The following GOLGB1 variants were observed in gnomAD, a reference collection of about 807,000 sequenced individuals.
GOLGB1 encodes the protein golgin B1.
In GOLGB1, 174 loss-of-function variants were observed where a neutral mutation model predicts 336.9. That is an observed-to-expected ratio of 0.52 (90% confidence interval 0.46 to 0.59). The LOEUF is 0.59. Among genes scored for constraint, GOLGB1 ranks in the 20% least tolerant of loss-of-function variants. The probability of loss-of-function intolerance (pLI) is 0.00; values close to 1 mark genes in which losing one functional copy is unlikely to be tolerated. For missense variants in GOLGB1, 3,331 were observed against 3,645.3 expected, an observed-to-expected ratio of 0.91 and a Z score of 2.22; for synonymous variants, 1,208 against 1,289.2, an observed-to-expected ratio of 0.94 and a Z score of 1.35.
intron 13 of GOLGB1, among the ~76,000 whole-genome samples, chr3:121,692,981 A>G (rs1942590231): frequency 6.6e-6 from 1 of 152,214 alleles, no homozygotes; most frequent in Non-Finnish European, 1.5e-5. Context: ...GAAGGGTCCT[A>G]TTGGAAGTAA....
At position 121,694,615 on chromosome 3, in the gene GOLGB1, C is replaced by A; in HGVS notation, c.5908G>T (p.Val1970Leu). ...TGCTTTTCTTCTTCCAATTCACTCACACACTTTTTAAGGTTCTTCATTTCA... is the reference window on the plus strand; with the variant it reads ...TGCTTTTCTTCTTCCAATTCACTCAAACACTTTTTAAGGTTCTTCATTTCA... Reference protein sequence around the residue: ...ESEMKNLKKCVSELEEEKQQL... With the variant: ...ESEMKNLKKCLSELEEEKQQL... The change falls in exon 13 of 22, where the codon GTG becomes TTG. Residue 1970 changes from valine to leucine, a missense_variant. Transcript: ENST00000614479. 1 of 1,612,204 alleles carries A rather than the reference C, an allele frequency of 6.2e-7. No individual in the cohort carries two copies. Among genetic ancestry groups the A allele is most frequent in the Non-Finnish European group, 8.5e-7 (1 of 1,179,992 alleles).
Position 121,691,131 on chromosome 3 carries a change from T to A in GOLGB1, c.8233A>T (p.Met2745Leu). Residue 2745 changes from methionine to leucine, a missense_variant, in exon 14 of 22, where the codon ATG becomes TTG. Physicochemically the swap from Met to Leu is conservative, Grantham distance 15 (BLOSUM62 2). Transcript: ENST00000614479. ...TCTCTACTATTTTGCAAGGAACTCA[T>A]AGACCTTCCAAAAGACTGAATTTGT... Reference protein sequence around the residue: ...TAQIQSFGRSMSSLQNSRDHA... With the variant: ...TAQIQSFGRSLSSLQNSRDHA... 1 of 1,613,920 alleles carries A rather than the reference T, an allele frequency of 6.2e-7. No individual in the cohort carries two copies. Among genetic ancestry groups the A allele is most frequent in the Non-Finnish European group, 8.5e-7 (1 of 1,179,886 alleles).
At chr3:121,749,337 G>T (rs552885700) in intron 1 of GOLGB1, among the ~76,000 whole-genome samples, 28 of 152,180 alleles carry the variant, frequency 1.8e-4, no homozygotes, top group Non-Finnish European at 3.5e-4. Context: ...GCTTTTCCCC[G>T]TCGCTCCCAG....
intron 6 of GOLGB1, among the ~76,000 whole-genome samples, chr3:121,722,001 A>C (rs1427336918): frequency 6.6e-6 from 1 of 152,202 alleles, no homozygotes. Context: ...CAGAACTAAG[A>C]AACAGTCATC....
In GOLGB1 at chr3:121,696,411, T is replaced by C; in HGVS notation, c.4112A>G (p.His1371Arg). 3 of 1,614,190 alleles carry C rather than the reference T, an allele frequency of 1.9e-6. No homozygotes were observed. Among genetic ancestry groups the C allele is most frequent in the Non-Finnish European group, 2.5e-6 (3 of 1,180,022 alleles). The change falls in exon 13 of 22, where the codon CAT becomes CGT. Residue 1371 changes from histidine (H) to arginine (R), a missense_variant. Transcript: ENST00000614479. ...LKTVSHEAEV[H>R]AESLQQKLES... Reference sequence around the variant, plus strand: ...CAATTTCTGCTGCAGGCTTTCGGCATGGACTTCAGCTTCATGGGATACTGT... The same window carrying C: ...CAATTTCTGCTGCAGGCTTTCGGCACGGACTTCAGCTTCATGGGATACTGT...
chr3:121,706,090 A>ACT (rs1241031418), intron 10 of GOLGB1, among the ~76,000 whole-genome samples: 1 of 151,912 alleles, frequency 6.6e-6, no homozygotes, highest in East Asian at 1.9e-4. Flanking sequence ...GTGAGCTGAG[A>ACT]CTGCATCAAT....
At position 121,692,040 on chromosome 3, in the gene GOLGB1, T is replaced by C. The variant is rs1560215020; in HGVS notation, c.7324A>G (p.Lys2442Glu). Residue 2442 changes from lysine to glutamate, a missense_variant, in exon 14 of 22, where the codon AAA becomes GAA. Coordinates refer to ENST00000614479, the MANE Select transcript of GOLGB1 (RefSeq NM_001366282.2). The part of the protein sequence containing the change: ...LEEENKKAVD[K>E]TNQLMETLKT... The stretch of plus-strand genomic sequence containing the variant: ...AGTGTTTCCATAAGCTGATTGGTTT[T>C]ATCAACAGCCTTTTTGTTCTCCTCT... 6.2e-7 allele frequency: 1 copy of C among 1,612,914 alleles called. No homozygotes were observed. Among genetic ancestry groups the C allele is most frequent in the Non-Finnish European group, 8.5e-7 (1 of 1,179,710 alleles).
rs756142653 is a variant in GOLGB1 at position 121,665,002 on chromosome 3, C to T, written c.9584G>A (p.Arg3195Gln). 19 of 1,609,610 alleles carry T rather than the reference C, an allele frequency of 1.2e-5. 1 individual carries two copies. The highest frequency in any genetic ancestry group is 3.3e-5 in the South Asian group (3 of 90,990). ...RLEHSEWDSS[R>Q]TPIIGSCGTQ... ...GCCACAGGAGCCAATGATAGGAGTC[C>T]GGGAAGAGTCCCATTCACTGTGCTC... The change falls in exon 21 of 22, where the codon CGG (arginine) becomes CAG (glutamine). Residue 3195 changes from arginine to glutamine, a missense_variant. Transcript: ENST00000614479.
intron 12 of GOLGB1, 91 bp downstream of exon 12, chr3:121,699,721 A>T: frequency 1.4e-6 from 1 of 712,422 alleles, no homozygotes; most frequent in Non-Finnish European, 2.5e-6. Flanking sequence ...CTTCTCTGGC[A>T]ACACTAGAAA....
intron 1 of GOLGB1, among the ~76,000 whole-genome samples, chr3:121,743,612 TA>T (rs923646066): frequency 3.0e-4 from 46 of 151,762 alleles, no homozygotes; most frequent in African/African-American, 9.2e-4. Flanking sequence ...TAAAGTATAA[TA>T]AAAAAAATAC....
chr3:121,721,659 GCC>G (rs1945209147), intron 6 of GOLGB1, among the ~76,000 whole-genome samples: 1 of 151,894 alleles, frequency 6.6e-6, no homozygotes, highest in Non-Finnish European at 1.5e-5. Context: ...GGAGTGCGTG[GCC>G]AACCAAGAAA....
intron 17 of GOLGB1, among the ~76,000 whole-genome samples, chr3:121,670,754 T>C (rs1043433179): frequency 1.9e-5 from 2 of 102,712 alleles, no homozygotes; most frequent in African/African-American, 8.0e-5. Context: ...GGGTTTTCTT[T>C]TGGGGGGGGG....
chr3:121,693,955 T>A lies in GOLGB1; in HGVS notation c.6568A>T (p.Thr2190Ser). ...CTCTTAGTAAAGGCTGCAAGCTGGG[T>A]CACAGTACTGTCCAAGTTTTCCTGA... ...QLQENLDSTV[T>S]QLAAFTKSMS... Residue 2190 changes from threonine (T) to serine (S), a missense_variant, in exon 13 of 22, where the codon ACC (threonine) becomes TCC (serine). Physicochemically the swap from Thr to Ser is moderately conservative, Grantham distance 58. Transcript: ENST00000614479. 6.2e-7 allele frequency: 1 copy of A among 1,614,102 alleles called. No homozygotes were observed. Among genetic ancestry groups the A allele is most frequent in the Non-Finnish European group, 8.5e-7 (1 of 1,179,956 alleles).
At position 121,677,418 on chromosome 3, in the gene GOLGB1, C is replaced by T; in HGVS notation, c.8906G>A (p.Arg2969Lys). Residue 2969 changes from arginine to lysine, a missense_variant, in exon 16 of 22, where the codon AGG becomes AAG. By Grantham distance (26) the Arg-to-Lys change is conservative. Coordinates refer to ENST00000614479, the MANE Select transcript of GOLGB1 (RefSeq NM_001366282.2). ...MEKSSWEIHE[R>K]RMKEQYLMAI... is the part of the protein sequence containing the mutation. ...CATAAGGTACTGTTCCTTCATTCTC[C>T]TCTCATGTATTTCCCAGGAACTCTT... 1 of 1,608,796 alleles carries T rather than the reference C, an allele frequency of 6.2e-7. No individual in the cohort carries two copies. Among genetic ancestry groups the T allele is most frequent in the South Asian group, 1.1e-5 (1 of 90,904 alleles).
At position 121,718,482 on chromosome 3, in the gene GOLGB1, C is replaced by T; in HGVS notation, c.791G>A (p.Arg264Lys). The change falls in exon 8 of 22, where the codon AGG becomes AAG. Residue 264 changes from arginine to lysine, a missense_variant. Transcript: ENST00000614479. ...GGATTCTTCGTGTTCCTCAAGCTTC[C>T]TTTGCAGCACCCTCAATTTCTGAGA... ...EMQQKLRVLQ[R>K]KLEEHEESLV... 6.2e-7 allele frequency: 1 copy of T among 1,612,860 alleles called. No individual in the cohort carries two copies. Among genetic ancestry groups the T allele is most frequent in the Non-Finnish European group, 8.5e-7 (1 of 1,178,844 alleles).
chr3:121,697,357 C>T lies in GOLGB1; in HGVS notation c.3166G>A (p.Val1056Met). ...TCTATTTCTTGGCACTTAGAAGTCACACATTTTTCTGAGTATTCTTTGTTT... is the reference window on the plus strand; with the variant it reads ...TCTATTTCTTGGCACTTAGAAGTCATACATTTTTCTGAGTATTCTTTGTTT... The part of the protein sequence containing the change: ...KENKEYSEKC[V>M]TSKCQEIEIY... The change falls in exon 13 of 22, where the codon GTG becomes ATG. Residue 1056 changes from valine (V) to methionine (M), a missense_variant. Val to Met is a conservative substitution (Grantham distance 21). Transcript: ENST00000614479. The T allele has an allele frequency of 6.2e-7, 1 of 1,613,714 alleles. No individual in the cohort carries two copies. The highest frequency in any genetic ancestry group is 1.3e-5 in the African/African-American group (1 of 75,018).
chr3:121,698,478 T>C lies in GOLGB1; in HGVS notation c.2045A>G (p.Asp682Gly). 1 of 1,613,698 alleles carries C rather than the reference T, an allele frequency of 6.2e-7. No homozygotes were observed. The highest frequency in any genetic ancestry group is 1.3e-5 in the African/African-American group (1 of 75,008). ...DGDKSLSAVPDIGQCHQDELE... is the reference protein window; with the variant it reads ...DGDKSLSAVPGIGQCHQDELE... ...CTCATCCTGATGACACTGACCAATA[T>C]CTGGTACAGCAGAAAGGGATTTATC... The change falls in exon 13 of 22, where the codon GAT becomes GGT. Residue 682 changes from aspartate (D) to glycine (G), a missense_variant. Transcript: ENST00000614479.
intron 17 of GOLGB1, 77 bp from the exon 18 acceptor site, chr3:121,669,432 G>A: frequency 8.5e-7 from 1 of 1,178,080 alleles, no homozygotes; most frequent in East Asian, 2.6e-5. Flanking sequence ...GAGTTTTCAG[G>A]ATCTAATTTT....
chr3:121,748,915 G>A lies in GOLGB1; in HGVS notation c.-3+717C>T, dbSNP rs1179456759. 3.0e-6 allele frequency: 3 copies of A among 984,662 alleles called. No homozygotes were observed. In the African/African-American group the frequency reaches 5.2e-5, roughly 17 times the overall value. 61.0% of individuals were successfully genotyped at this position (984,662 alleles called of 1,614,324 possible). A position where few individuals can be genotyped will look rare whatever the true frequency, so the allele number is the denominator to read the frequency against. ...GACTCACCCTCCCTTTCACATTCCG[G>A]TTGTGCAGATTAAACATACTCCACA... On this transcript the variant is annotated intron_variant, in intron 1 of 21. Coordinates refer to ENST00000614479, the MANE Select transcript of GOLGB1 (RefSeq NM_001366282.2).
Sources: allele counts gnomAD v4.1 joint callset (sites outside exome capture counted in the v4.1 genomes callset), GRCh38; gene constraint gnomAD v4.1.1; transcripts MANE v1.5; gene names NCBI Gene and HGNC (gene_info 2026-07-23, HGNC 2026-07-21).